The following SLC25A26 variants were observed in gnomAD, a reference collection of about 807,000 sequenced individuals.
SLC25A26 encodes the protein mitochondrial S-adenosylmethionine carrier protein.
SLC25A26 carries 36 observed loss-of-function variants against 37.8 expected under a neutral mutation model. That is an observed-to-expected ratio of 0.95 (90% confidence interval 0.73 to 1.26). The LOEUF (loss-of-function observed/expected upper bound fraction) is 1.26. Among genes scored for constraint, SLC25A26 ranks in the 50% most tolerant of loss-of-function variants. The probability of loss-of-function intolerance (pLI) is 0.00; values close to 1 mark genes in which losing one functional copy is unlikely to be tolerated. For missense variants in SLC25A26, 390 were observed against 331.1 expected (o/e 1.18, Z -1.38); for synonymous variants, 129 against 122.5 (o/e 1.05, Z -0.35).
At chr3:66,140,156 C>G (rs966843973) in intron 1 of SLC25A26, among the ~76,000 whole-genome samples, 12 of 152,154 alleles carry the variant, frequency 7.9e-5, no homozygotes, top group African/African-American at 2.4e-4. Flanking sequence ...TGTTCAGATG[C>G]TCCATGCCTA....
intron 1 of SLC25A26, among the ~76,000 whole-genome samples, chr3:66,224,582 A>G (rs2071651700): frequency 6.6e-6 from 1 of 152,166 alleles, no homozygotes; most frequent in Admixed American, 6.5e-5. Context: ...GGGGACACAG[A>G]GCCAAACCAT....
chr3:66,370,670 G>T, intron 9 of SLC25A26, 68 bp downstream of exon 9: 2 of 1,228,720 alleles, frequency 1.6e-6, no homozygotes, highest in Admixed American at 1.9e-5. Flanking sequence ...CCTAACTTTG[G>T]ATGAACACCT....
chr3:66,289,980 G>A (rs2074649850), intron 5 of SLC25A26, among the ~76,000 whole-genome samples: 1 of 151,870 alleles, frequency 6.6e-6, no homozygotes, highest in Non-Finnish European at 1.5e-5. Context: ...TATTTGTGTG[G>A]TCTCTTATTT....
At chr3:66,277,302 GA>G in intron 5 of SLC25A26, among the ~76,000 whole-genome samples, 1 of 152,128 alleles carries the variant, frequency 6.6e-6, no homozygotes, top group South Asian at 2.1e-4. Context: ...ATCTCTAAAA[GA>G]TAACTGTAAA....
intron 5 of SLC25A26, among the ~76,000 whole-genome samples, chr3:66,291,566 G>A (rs1387982420): frequency 6.6e-6 from 1 of 152,184 alleles, no homozygotes; most frequent in Non-Finnish European, 1.5e-5. Context: ...TTTGTAACCA[G>A]TAGTCATTCA....
At chr3:66,160,535 C>A (rs2070343295) in intron 1 of SLC25A26, among the ~76,000 whole-genome samples, 1 of 152,218 alleles carries the variant, frequency 6.6e-6, no homozygotes, top group Admixed American at 6.5e-5. Flanking sequence ...TACACCTGGC[C>A]TTTCCTCCCC....
chr3:66,148,635 C>T (rs989821454), intron 1 of SLC25A26, among the ~76,000 whole-genome samples: 2 of 152,224 alleles, frequency 1.3e-5, no homozygotes, highest in African/African-American at 4.8e-5. Context: ...TGTGAAGATA[C>T]ATTCTCAGCT....
At chr3:66,272,114 TA>T (rs2073981384) in intron 5 of SLC25A26, among the ~76,000 whole-genome samples, 1 of 152,182 alleles carries the variant, frequency 6.6e-6, no homozygotes, top group South Asian at 2.1e-4. Context: ...ATTTACCAAG[TA>T]CTTAAAATGT....
At chr3:66,273,871 A>C (rs1183797077) in intron 5 of SLC25A26, among the ~76,000 whole-genome samples, 1 of 152,160 alleles carries the variant, frequency 6.6e-6, no homozygotes, top group African/African-American at 2.4e-5. Context: ...GCTACCAATG[A>C]CTTTCTTCAC....
At chr3:66,271,735 C>T (rs1195903833) in intron 5 of SLC25A26, among the ~76,000 whole-genome samples, 1 of 152,082 alleles carries the variant, frequency 6.6e-6, no homozygotes, top group African/African-American at 2.4e-5. Flanking sequence ...TTCATCTCTT[C>T]AGAAAGAAGA....
intron 6 of SLC25A26, among the ~76,000 whole-genome samples, chr3:66,354,744 G>A (rs536428646): frequency 6.6e-6 from 1 of 152,230 alleles, no homozygotes; most frequent in East Asian, 1.9e-4. Context: ...CCAGTGGGAG[G>A]GGATTGAATT....
intron 5 of SLC25A26, among the ~76,000 whole-genome samples, chr3:66,332,195 C>T (rs2075991982): frequency 1.3e-5 from 2 of 152,144 alleles, no homozygotes; most frequent in Admixed American, 6.5e-5. Flanking sequence ...ACCTCTGCCT[C>T]CCAAAGTGCT....
rs143636821 is a variant in SLC25A26, at chr3:66,339,107, G to C, written c.454-7257G>C. 6.6e-5 allele frequency among the ~76,000 whole-genome samples: 10 copies of C among 152,062 alleles called. No individual in the cohort carries two copies. The East Asian group carries it at 1.9e-3, about 29-fold the overall frequency. ...GGGAGCAAAATTGCTGGATCATAAG[G>C]TCATTCTGTGTTTAACTTTTTAAGG... On this transcript the variant is annotated intron_variant, in intron 5 of 9. Transcript: ENST00000354883.
At chr3:66,221,238 C>G (rs1347070757) in intron 1 of SLC25A26, 111 bp downstream of exon 1, 2 of 1,200,500 alleles carry the variant, frequency 1.7e-6, no homozygotes, top group Non-Finnish European at 2.2e-6. Context: ...GGACTGTCCT[C>G]GGGTTACTGG....
chr3:66,221,060 G>T lies in SLC25A26; in HGVS notation c.-35G>T, dbSNP rs1553658087. On this transcript the variant is annotated 5_prime_UTR_variant, in exon 1 of 10. Transcript: ENST00000354883. ...GAGGACGTGATCCGCTTCTGCTCCGGCTTGGATTGTAGCCTTGACGAGGTC... is the reference window on the plus strand; with the variant it reads ...GAGGACGTGATCCGCTTCTGCTCCGTCTTGGATTGTAGCCTTGACGAGGTC... The T allele has an allele frequency of 2.0e-6, 3 of 1,535,874 alleles. No individual in the cohort carries two copies. The South Asian group carries it at 3.6e-5, about 18-fold the overall frequency.
chr3:66,284,270 G>A (rs934214849), intron 5 of SLC25A26, among the ~76,000 whole-genome samples: 1 of 152,158 alleles, frequency 6.6e-6, no homozygotes, highest in Non-Finnish European at 1.5e-5. Context: ...AATCACTTGA[G>A]CCCAGGAAGT....
chr3:66,278,827 A>C (rs967166389), intron 5 of SLC25A26, among the ~76,000 whole-genome samples: 1 of 152,166 alleles, frequency 6.6e-6, no homozygotes, highest in Non-Finnish European at 1.5e-5. Flanking sequence ...CTATACTTTC[A>C]TTGTACATTG....
In SLC25A26 at chr3:66,346,343, AT is replaced by A. The variant is rs770511655; in HGVS notation, c.454-11del. The A allele has an allele frequency of 6.7e-4, 886 of 1,330,098 alleles. No individual in the cohort carries two copies. Among genetic ancestry groups the A allele is most frequent in the Admixed American group, 1.1e-3 (43 of 37,594 alleles). 82.4% of individuals were successfully genotyped at this position (1,330,098 alleles called of 1,614,324 possible). A position where few individuals can be genotyped will look rare whatever the true frequency, so the allele number is the denominator to read the frequency against. ...GGCTCTTTTTTGCCTAATTTATTTA[AT>A]TTTTTTTTTCTCTCTTCAGATTCCT... On this transcript the variant is annotated intron_variant, in intron 5 of 9. Coordinates refer to ENST00000354883, the MANE Select transcript of SLC25A26 (RefSeq NM_001379210.1).
intron 9 of SLC25A26, chr3:66,371,443 A>T (rs1700340326): frequency 2.8e-6 from 4 of 1,408,210 alleles, no homozygotes; most frequent in Non-Finnish European, 3.7e-6. Flanking sequence ...AGGTTTTTAT[A>T]GGAGAGCAGC....
Sources: allele counts gnomAD v4.1 joint callset (sites outside exome capture counted in the v4.1 genomes callset), GRCh38; gene constraint gnomAD v4.1.1; transcripts MANE v1.5; gene names NCBI Gene and HGNC (gene_info 2026-07-23, HGNC 2026-07-21).